The following DPH7 variants were observed in gnomAD, a reference collection of about 807,000 sequenced individuals.
The protein encoded by DPH7 is diphthine methyltransferase.
In DPH7, 44 loss-of-function variants were observed where a neutral mutation model predicts 41.7. The observed-to-expected ratio is 1.05, with a 90% CI of 0.83 to 1.36. The LOEUF is 1.36. Ranked by LOEUF, DPH7 falls within the 40% of genes most tolerant of loss-of-function variation. The pLI is 0.00. For missense variants in DPH7, 629 were observed against 577.5 expected, an observed-to-expected ratio of 1.09 and a Z score of -0.91; for synonymous variants, 275 against 238.0, an observed-to-expected ratio of 1.16 and a Z score of -1.43.
chr9:137,564,423 T>A lies in DPH7; in HGVS notation c.949+11A>T, dbSNP rs774442069. ...TGCCCTGAGGCCCAGCAGCCACGGG[T>A]CCCCACTCACCCATTGCCTTTTGGC... On this transcript the variant is annotated intron_variant, in intron 8 of 8. Transcript: ENST00000277540. 6.2e-7 allele frequency: 1 copy of A among 1,606,084 alleles called. No individual in the cohort carries two copies. The highest frequency in any genetic ancestry group is 1.1e-5 in the South Asian group (1 of 90,632).
At chr9:137,578,127 C>G in intron 1 of DPH7, 4 of 242,886 alleles carry the variant, frequency 1.6e-5, no homozygotes, top group Non-Finnish European at 2.6e-5. Flanking sequence ...AGGCTGCACT[C>G]CAGCCTGGGT....
intron 8 of DPH7, among the ~76,000 whole-genome samples, chr9:137,560,339 G>A (rs1041289): frequency 0.029 from 4,348 of 152,228 alleles, 217 homozygotes; most frequent in African/African-American, 0.099. Context: ...TCAATTGCGA[G>A]CTGAGACTTA....
Position 137,555,071 on chromosome 9 carries a change from G to A in DPH7, c.*168C>T. On this transcript the variant is annotated 3_prime_UTR_variant, in exon 9 of 9. Transcript: ENST00000277540. ...AGTCCACTTTCAGGGGCCCAGCAGG[G>A]AAGCTGATTTAAGAGAAGTCAACAG... 1.3e-6 allele frequency: 1 copy of A among 790,598 alleles called. No individual in the cohort carries two copies. The highest frequency in any genetic ancestry group is 1.8e-6 in the Non-Finnish European group (1 of 548,740). 49.0% of individuals were successfully genotyped at this position (790,598 alleles called of 1,614,324 possible). A position where few individuals can be genotyped will look rare whatever the true frequency, so the allele number is the denominator to read the frequency against.
rs1838160607 is a variant in DPH7, at chr9:137,559,620, A to G, written c.950-3972T>C. 3.3e-5 allele frequency among the ~76,000 whole-genome samples: 5 copies of G among 152,204 alleles called. No homozygotes were observed. In the South Asian group the frequency reaches 1.0e-3, roughly 32 times the overall value. The stretch of plus-strand genomic sequence containing the variant: ...TCTAGATAGCAGTAGTCAATTAGTG[A>G]AAGTACTAAAAGTCTCTGGTATGCA... On this transcript the variant is annotated intron_variant, in intron 8 of 8. Coordinates refer to ENST00000277540, the MANE Select transcript of DPH7 (RefSeq NM_138778.5).
At chr9:137,576,716 C>T (rs1329813833) in intron 2 of DPH7, among the ~76,000 whole-genome samples, 2 of 152,120 alleles carry the variant, frequency 1.3e-5, no homozygotes, top group South Asian at 4.1e-4. Flanking sequence ...GGTGAAACCA[C>T]GTCTCTACTA....
At chr9:137,574,031 A>C (rs1840945529) in intron 5 of DPH7, among the ~76,000 whole-genome samples, 177 bp downstream of exon 5, 1 of 152,126 alleles carries the variant, frequency 6.6e-6, no homozygotes, top group Non-Finnish European at 1.5e-5. Flanking sequence ...GTGCCACTGC[A>C]CTCTAGCCTG....
At chr9:137,576,209 G>A in intron 2 of DPH7, 42 bp from the exon 3 acceptor site, 1 of 1,560,224 alleles carries the variant, frequency 6.4e-7, no homozygotes, top group Non-Finnish European at 8.8e-7. Flanking sequence ...TGTGCCCGGA[G>A]CACAGGCGTG....
intron 4 of DPH7, 43 bp from the exon 5 acceptor site, chr9:137,574,423 T>A: frequency 6.3e-7 from 1 of 1,598,340 alleles, no homozygotes; most frequent in South Asian, 1.1e-5. Context: ...AGAATGTTAT[T>A]CGTCAGCCTC....
intron 1 of DPH7, chr9:137,578,055 T>G: frequency 1.6e-5 from 15 of 933,720 alleles, no homozygotes; most frequent in Non-Finnish European, 1.9e-5. Flanking sequence ...CGGTGGCTCG[T>G]GCCTGTGGTG....
intron 1 of DPH7, 37 bp downstream of exon 1, chr9:137,578,588 G>GCCCCCCC: frequency 7.0e-7 from 1 of 1,436,782 alleles, no homozygotes; most frequent in Non-Finnish European, 9.1e-7. Context: ...CTCGTGGCCG[G>GCCCCCCC]CCCCGCCCTC....
rs774845547 is a variant in DPH7, at chr9:137,564,995, ACACAGACC to A, written c.711-45_711-38del. Reference sequence around the variant, plus strand: ...GGCGGCTTCTGAACCAGTGTCCAGCACACAGACCCACCCAGGGAACGGGAGGGCTGGTG... The same window carrying A: ...GGCGGCTTCTGAACCAGTGTCCAGCACACCCAGGGAACGGGAGGGCTGGTG... On this transcript the variant is annotated intron_variant, in intron 6 of 8. Coordinates refer to ENST00000277540, the MANE Select transcript of DPH7 (RefSeq NM_138778.5). 4 of 1,602,918 alleles carry A rather than the reference ACACAGACC, an allele frequency of 2.5e-6. No homozygotes were observed. In the African/African-American group the frequency reaches 5.3e-5, roughly 21 times the overall value.
intron 5 of DPH7, among the ~76,000 whole-genome samples, chr9:137,570,721 C>T (rs1258999688): frequency 1.3e-5 from 2 of 152,176 alleles, no homozygotes; most frequent in African/African-American, 2.4e-5. Flanking sequence ...GCTACTGCCT[C>T]AGGTCATCCT....
At chr9:137,569,098 G>T (rs1839931584) in intron 5 of DPH7, among the ~76,000 whole-genome samples, 2 of 152,138 alleles carry the variant, frequency 1.3e-5, no homozygotes, top group East Asian at 3.9e-4. Context: ...TGCAGACATG[G>T]GGTGAATGGT....
At chr9:137,570,084 C>T (rs1051732751) in intron 5 of DPH7, among the ~76,000 whole-genome samples, 1 of 151,726 alleles carries the variant, frequency 6.6e-6, no homozygotes, top group Non-Finnish European at 1.5e-5. Context: ...CTCATCCACC[C>T]ACCATCCATC....
rs139961679 is a variant in DPH7 at position 137,555,247 on chromosome 9, C to T, written c.1351G>A (p.Gly451Arg). The T allele has an allele frequency of 3.1e-6, 5 of 1,594,514 alleles. No individual in the cohort carries two copies. Among genetic ancestry groups the T allele is most frequent in the Non-Finnish European group, 2.6e-6 (3 of 1,168,438 alleles). ...GCTTCATGATTTCAAGCTCAGTTCC[C>T]CTCCCACTCCCAGAGGTGGAGCGCA... ...DHALHLWEWE[G>R]N The change falls in exon 9 of 9, where the codon GGG becomes AGG. Residue 451 changes from glycine (G) to arginine (R), a missense_variant. Gly to Arg is a moderately radical substitution (Grantham distance 125). Transcript: ENST00000277540.
intron 8 of DPH7, among the ~76,000 whole-genome samples, chr9:137,562,027 G>C (rs1417754574): frequency 6.6e-6 from 1 of 152,122 alleles, no homozygotes; most frequent in Non-Finnish European, 1.5e-5. Context: ...ACAGCGCCTG[G>C]CTAATTTTTT....
At chr9:137,561,021 C>CAAA (rs869251490) in intron 8 of DPH7, among the ~76,000 whole-genome samples, 2 of 80,662 alleles carry the variant, frequency 2.5e-5, no homozygotes, top group Non-Finnish European at 4.9e-5. Context: ...GACCCCATCT[C>CAAA]AAAAAAAAAA....
intron 5 of DPH7, among the ~76,000 whole-genome samples, chr9:137,573,485 T>C (rs1840821413): frequency 6.8e-6 from 1 of 147,236 alleles, no homozygotes; most frequent in African/African-American, 2.5e-5. Context: ...GAGACCATCC[T>C]GGCTAACACG....
Position 137,555,334 on chromosome 9 carries a change from C to T in DPH7, c.1264G>A (p.Val422Met), listed in dbSNP as rs765238916. 3.6e-5 allele frequency: 58 copies of T among 1,614,174 alleles called. No homozygotes were observed. Among genetic ancestry groups the T allele is most frequent in the Middle Eastern group, 1.6e-4 (1 of 6,062 alleles). ...ATAATTRDCG[V>M]NPEEADSAFS... ...GCTGAGTCTGCTTCTTCTGGGTTCA[C>T]GCCACAGTCACGTGTGGTGGCTGCT... Residue 422 changes from valine (V) to methionine (M), a missense_variant, in exon 9 of 9, where the codon GTG becomes ATG. Transcript: ENST00000277540.
Sources: allele counts gnomAD v4.1 joint callset (sites outside exome capture counted in the v4.1 genomes callset), GRCh38; gene constraint gnomAD v4.1.1; transcripts MANE v1.5; gene names NCBI Gene and HGNC (gene_info 2026-07-23, HGNC 2026-07-21).